Variants in QTMAN observed in about 807,000 individuals in gnomAD.
QTMAN encodes the protein tRNA-queuosine alpha-mannosyltransferase.
the QTMAN span, chr2:144,007,446 A>G: frequency 6.2e-7 from 1 of 1,613,334 alleles, no homozygotes; most frequent in Non-Finnish European, 8.5e-7. Context: ...CTCTGGCTGA[A>G]AAGGAAGGGC....
At chr2:144,072,229 G>A in the QTMAN span, among the ~76,000 whole-genome samples, 2 of 152,160 alleles carry the variant, frequency 1.3e-5, no homozygotes, top group East Asian at 3.9e-4. Context: ...GGAATCCGAT[G>A]CCCAGAAAAA....
chr2:144,317,908 A>T, the QTMAN span, among the ~76,000 whole-genome samples: 7 of 152,018 alleles, frequency 4.6e-5, no homozygotes, highest in Non-Finnish European at 7.3e-5. Flanking sequence ...GATGGCTCTC[A>T]ATTTTAATAT....
the QTMAN span, among the ~76,000 whole-genome samples, chr2:144,281,640 T>A: frequency 6.6e-6 from 1 of 152,160 alleles, no homozygotes; most frequent in East Asian, 1.9e-4. Flanking sequence ...AAAATGAGGC[T>A]ATTAGAGTGG....
At chr2:143,950,001 G>T in the QTMAN span, among the ~76,000 whole-genome samples, 1 of 151,540 alleles carries the variant, frequency 6.6e-6, no homozygotes, top group Non-Finnish European at 1.5e-5. Context: ...ATTAATTTTT[G>T]AAATTAATTT....
chr2:144,178,114 C>G, the QTMAN span, among the ~76,000 whole-genome samples: 1 of 152,080 alleles, frequency 6.6e-6, no homozygotes, highest in African/African-American at 2.4e-5. Flanking sequence ...ATTTTCATGA[C>G]AGCGAGGAGG....
the QTMAN span, among the ~76,000 whole-genome samples, chr2:144,246,574 C>A: frequency 8.8e-6 from 1 of 113,814 alleles, no homozygotes; most frequent in Non-Finnish European, 1.7e-5. Context: ...AGCGAGACTC[C>A]GTCTCAAAAA....
At chr2:144,147,298 T>C in the QTMAN span, among the ~76,000 whole-genome samples, 7 of 151,696 alleles carry the variant, frequency 4.6e-5, no homozygotes, top group Admixed American at 4.0e-4. Flanking sequence ...GATGCACTTA[T>C]TTTTTAAACC....
chr2:143,985,502 T>C, the QTMAN span, among the ~76,000 whole-genome samples: 1 of 152,246 alleles, frequency 6.6e-6, no homozygotes, highest in Non-Finnish European at 1.5e-5. Context: ...TTCATGTTCA[T>C]GGAATAAAGT....
the QTMAN span, among the ~76,000 whole-genome samples, chr2:144,104,693 C>G: frequency 6.6e-6 from 1 of 152,184 alleles, no homozygotes; most frequent in Non-Finnish European, 1.5e-5. Context: ...AGGGCATAGC[C>G]AAACAAAAGG....
the QTMAN span, among the ~76,000 whole-genome samples, chr2:144,280,046 T>A: frequency 6.6e-6 from 1 of 152,210 alleles, no homozygotes; most frequent in African/African-American, 2.4e-5. Context: ...GTACAAAACC[T>A]TACTTTTTGG....
At chr2:144,328,320 T>C in the QTMAN span, among the ~76,000 whole-genome samples, 8 of 152,180 alleles carry the variant, frequency 5.3e-5, no homozygotes, top group Admixed American at 6.5e-5. Context: ...CTACACAGCA[T>C]AGGGGAAAAG....
the QTMAN span, among the ~76,000 whole-genome samples, chr2:143,969,961 A>G: frequency 6.6e-6 from 1 of 152,204 alleles, no homozygotes; most frequent in African/African-American, 2.4e-5. Flanking sequence ...TTGCTTGTAC[A>G]TTTGATTTTT....
chr2:143,960,329 T>C, the QTMAN span, among the ~76,000 whole-genome samples: 8 of 152,118 alleles, frequency 5.3e-5, no homozygotes, highest in African/African-American at 1.9e-4. Flanking sequence ...TCTTGGAAGA[T>C]GGGTTGAGCT....
At chr2:144,047,690 T>C in the QTMAN span, among the ~76,000 whole-genome samples, 1 of 152,248 alleles carries the variant, frequency 6.6e-6, no homozygotes, top group Non-Finnish European at 1.5e-5. Flanking sequence ...TCATATTTTA[T>C]GGTAGCGCCC....
chr2:144,303,081 G>A, the QTMAN span, among the ~76,000 whole-genome samples: 2 of 152,108 alleles, frequency 1.3e-5, no homozygotes, highest in Admixed American at 1.3e-4. Flanking sequence ...CAGCCTGGGT[G>A]ACAGAGACAG....
the QTMAN span, among the ~76,000 whole-genome samples, chr2:143,991,853 CTACTGGGAAGTGAGGAGACCCTCTGCCTG>C: frequency 6.7e-6 from 1 of 149,818 alleles, no homozygotes; most frequent in African/African-American, 2.5e-5. Context: ...CCGGCCGCCC[CTACTGGGAAGTGAGGAGACCCTCTGCCTG>C]GCCAGCCACC....
the QTMAN span, among the ~76,000 whole-genome samples, chr2:144,161,521 C>T: frequency 1.3e-5 from 2 of 152,080 alleles, no homozygotes; most frequent in East Asian, 3.9e-4. Flanking sequence ...GGACCAGTTA[C>T]ATGTATGACT....
the QTMAN span, among the ~76,000 whole-genome samples, chr2:144,047,382 C>T: frequency 5.7e-4 from 87 of 152,290 alleles, no homozygotes; most frequent in African/African-American, 2.0e-3. Flanking sequence ...AATCCTTTTA[C>T]TCAAAACACA....
chr2:144,045,583 T>C, the QTMAN span, among the ~76,000 whole-genome samples: 1 of 152,112 alleles, frequency 6.6e-6, no homozygotes, highest in African/African-American at 2.4e-5. Context: ...ATGTATCCAC[T>C]GGAGTTTGGG....
Sources: allele counts gnomAD v4.1 joint callset (sites outside exome capture counted in the v4.1 genomes callset), GRCh38; gene constraint gnomAD v4.1.1; transcripts MANE v1.5; gene names NCBI Gene and HGNC (gene_info 2026-07-23, HGNC 2026-07-21).